ABCC8: variants seen among roughly 807,000 people sequenced by gnomAD.
ABCC8 encodes ATP-binding cassette sub-family C member 8.
Under a neutral mutation model 188.0 loss-of-function variants are expected in ABCC8, and 137 were observed. The ratio of observed to expected loss-of-function variants is 0.73; its 90% CI spans 0.63 to 0.84. ABCC8 has a LOEUF of 0.84. Ranked by LOEUF, ABCC8 falls within the 40% of genes least tolerant of loss-of-function variation. The probability of loss-of-function intolerance (pLI) is 0.00; values close to 1 mark genes in which losing one functional copy is unlikely to be tolerated. For synonymous variants in ABCC8, 797 were observed against 846.5 expected, an observed-to-expected ratio of 0.94 and a Z score of 1.01; for missense variants, 1,750 against 2,072.7, an observed-to-expected ratio of 0.84 and a Z score of 3.02.
intron 10 of ABCC8, 170 bp from the exon 11 acceptor site, chr11:17,432,414 C>T (rs1427515903): frequency 7.2e-7 from 1 of 1,397,396 alleles, no homozygotes; most frequent in Admixed American, 2.3e-5. Flanking sequence ...GTTCCTCACC[C>T]CATTTCCCTC....
At chr11:17,457,150 G>T (rs1957024862) in intron 6 of ABCC8, among the ~76,000 whole-genome samples, 1 of 152,154 alleles carries the variant, frequency 6.6e-6, no homozygotes, top group Admixed American at 6.5e-5. Flanking sequence ...TGGTTATGAA[G>T]AGGCCAGCCC....
intron 16 of ABCC8, among the ~76,000 whole-genome samples, chr11:17,424,494 C>A (rs773684087): frequency 1.3e-5 from 2 of 152,084 alleles, no homozygotes; most frequent in Admixed American, 6.5e-5. Context: ...CAGAGCAGAC[C>A]CCTGCCAATC....
At chr11:17,418,905 C>T (rs1032588470) in intron 16 of ABCC8, among the ~76,000 whole-genome samples, 5 of 152,142 alleles carry the variant, frequency 3.3e-5, no homozygotes, top group Admixed American at 1.3e-4. Flanking sequence ...GAAGAAAGGG[C>T]GGGGCTGGCT....
intron 17 of ABCC8, among the ~76,000 whole-genome samples, chr11:17,415,790 G>A (rs1955043907): frequency 6.6e-6 from 1 of 152,200 alleles, no homozygotes. Flanking sequence ...GCTGACACCA[G>A]CACCTGCACT....
chr11:17,427,076 T>C lies in ABCC8; in HGVS notation c.2195A>G (p.Lys732Arg). ...LLLAALGEMQ[K>R]VSGAVFWSSL... The stretch of plus-strand genomic sequence containing the variant: ...GCTCCAGAAGACAGCCCCTGAGACC[T>C]TCTGCATCTCCCCCAGTGCGGCTAG... Residue 732 changes from lysine to arginine, a missense_variant, in exon 16 of 39, where the codon AAG becomes AGG. By Grantham distance (26) the Lys-to-Arg change is conservative (BLOSUM62 2). Coordinates refer to ENST00000389817, the MANE Select transcript of ABCC8 (RefSeq NM_000352.6). This position sits in a 1 kb window ranked among gnomAD's most constrained non-coding sequence, Gnocchi z 5.0. The C allele has an allele frequency of 6.2e-7, 1 of 1,613,972 alleles. No homozygotes were observed. The highest frequency in any genetic ancestry group is 8.5e-7 in the Non-Finnish European group (1 of 1,179,948).
Position 17,461,838 on chromosome 11 carries a change from T to C in ABCC8, c.580-13A>G, listed in dbSNP as rs774983283. The C allele has an allele frequency of 1.2e-6, 2 of 1,613,728 alleles. No homozygotes were observed. Among genetic ancestry groups the C allele is most frequent in the African/African-American group, 1.3e-5 (1 of 75,034 alleles). ...AGAAGATGTATCTCTGTGGGGCACA[T>C]GGGCCATGGGGGATGGGTAAGTCCA... On this transcript the variant is annotated splice_polypyrimidine_tract_variant and intron_variant, in intron 4 of 38. Coordinates refer to ENST00000389817, the MANE Select transcript of ABCC8 (RefSeq NM_000352.6).
intron 21 of ABCC8, among the ~76,000 whole-genome samples, chr11:17,411,134 G>T (rs1229630572): frequency 6.6e-6 from 1 of 152,118 alleles, no homozygotes; most frequent in African/African-American, 2.4e-5. Flanking sequence ...GCTCACCTAA[G>T]CACCAGTTCC....
chr11:17,403,280 C>G (rs1954340835), intron 28 of ABCC8, among the ~76,000 whole-genome samples: 1 of 152,202 alleles, frequency 6.6e-6, no homozygotes, highest in African/African-American at 2.4e-5. Context: ...AGAATTGCCT[C>G]CTGCTCCCCA....
At chr11:17,449,813 G>A (rs1956690793) in intron 7 of ABCC8, among the ~76,000 whole-genome samples, 1 of 152,168 alleles carries the variant, frequency 6.6e-6, no homozygotes, top group Admixed American at 6.5e-5. Flanking sequence ...ATGTCTTTCT[G>A]TGAGCTAATA....
chr11:17,402,095 T>TGGGGCTTAGCACATAGTC (rs1954274141), intron 29 of ABCC8, among the ~76,000 whole-genome samples: 2 of 152,242 alleles, frequency 1.3e-5, no homozygotes, highest in Admixed American at 1.3e-4. Flanking sequence ...GTGCCTGGCA[T>TGGGGCTTAGCACATAGTC]GGGGCTTAGC....
intron 10 of ABCC8, among the ~76,000 whole-genome samples, chr11:17,432,636 C>A (rs191075163): frequency 6.6e-6 from 1 of 152,204 alleles, no homozygotes; most frequent in East Asian, 1.9e-4. Flanking sequence ...CTGTGTCCCC[C>A]CAAGCCAGGC....
At chr11:17,452,800 C>A (rs1333915279) in intron 7 of ABCC8, among the ~76,000 whole-genome samples, 1 of 152,198 alleles carries the variant, frequency 6.6e-6, no homozygotes, top group African/African-American at 2.4e-5. Context: ...TGCATTTACC[C>A]TTGGTCAGAA....
chr11:17,439,197 T>A (rs1171374501), intron 10 of ABCC8, among the ~76,000 whole-genome samples: 1 of 149,784 alleles, frequency 6.7e-6, no homozygotes, highest in Non-Finnish European at 1.5e-5. Flanking sequence ...GGATGTGACT[T>A]TTGATGCCAG....
intron 29 of ABCC8, among the ~76,000 whole-genome samples, chr11:17,400,357 C>T (rs993529414): frequency 1.3e-5 from 2 of 152,058 alleles, no homozygotes; most frequent in South Asian, 2.1e-4. Context: ...GAGTGTGAGG[C>T]GCTCAGCGTA....
At chr11:17,402,613 G>A in intron 29 of ABCC8, 48 bp downstream of exon 29, 5 of 1,614,116 alleles carry the variant, frequency 3.1e-6, no homozygotes, top group Non-Finnish European at 3.4e-6. Context: ...TGTGCCCCCT[G>A]GCCCCACCCC....
At chr11:17,433,417 A>C (rs1955936819) in intron 10 of ABCC8, among the ~76,000 whole-genome samples, 1 of 152,232 alleles carries the variant, frequency 6.6e-6, no homozygotes, top group Non-Finnish European at 1.5e-5. Flanking sequence ...ACTCTGATGA[A>C]GTCCAGATGG....
chr11:17,445,114 C>T (rs1381925716), intron 8 of ABCC8, among the ~76,000 whole-genome samples: 1 of 152,230 alleles, frequency 6.6e-6, no homozygotes, highest in Non-Finnish European at 1.5e-5. Flanking sequence ...CCTGCCCTCT[C>T]TGGGCCTCTG....
At chr11:17,447,444 A>G (rs1956582321) in intron 8 of ABCC8, among the ~76,000 whole-genome samples, 1 of 152,170 alleles carries the variant, frequency 6.6e-6, no homozygotes, top group African/African-American at 2.4e-5. Flanking sequence ...TTATTTTTTA[A>G]GAGACAGGAG....
intron 6 of ABCC8, among the ~76,000 whole-genome samples, chr11:17,453,997 C>T (rs1399971396): frequency 7.2e-5 from 11 of 152,268 alleles, no homozygotes; most frequent in Non-Finnish European, 1.5e-4. Context: ...AATTAAGCAT[C>T]AATAACTCCC....
Sources: gnomAD v4.1 joint callset for allele counts (sites outside exome capture counted in the v4.1 genomes callset) on GRCh38, gnomAD v4.1.1 for gene constraint, Gnocchi (gnomAD v3.1) non-coding constraint, MANE v1.5 for transcripts, NCBI Gene and HGNC (gene_info 2026-07-23, HGNC 2026-07-21) for gene names.